The following KHDRBS3 variants were observed in gnomAD, a reference collection of about 807,000 sequenced individuals.
KHDRBS3 encodes the protein KH RNA binding domain containing, signal transduction associated 3, also known as KH domain-containing, RNA-binding, signal transduction-associated protein 3.
In KHDRBS3, 23 loss-of-function variants were observed where a neutral mutation model predicts 45.6. The ratio of observed to expected loss-of-function variants is 0.50; its 90% CI spans 0.36 to 0.72. KHDRBS3 has a LOEUF of 0.72. Ranked by LOEUF, KHDRBS3 falls within the 30% of genes least tolerant of loss-of-function variation. KHDRBS3 has a pLI of 0.00. For synonymous variants in KHDRBS3, 162 were observed against 156.5 expected, an observed-to-expected ratio of 1.04 and a Z score of -0.26; for missense variants, 352 against 424.8, an observed-to-expected ratio of 0.83 and a Z score of 1.51.
chr8:135,527,796 A>G (rs1296509818), intron 2 of KHDRBS3, among the ~76,000 whole-genome samples: 4 of 152,230 alleles, frequency 2.6e-5, no homozygotes, highest in African/African-American at 9.6e-5. Context: ...AAAATCCAGA[A>G]TCCAAGTTGG....
intron 1 of KHDRBS3, among the ~76,000 whole-genome samples, chr8:135,485,842 T>TTATGTATATATATATATATATA (rs1554615384): frequency 8.3e-6 from 1 of 120,346 alleles, no homozygotes; most frequent in African/African-American, 3.7e-5. Flanking sequence ...CATTTCAAGT[T>TTATGTATATATATATATATATA]TATATATATA....
intron 2 of KHDRBS3, among the ~76,000 whole-genome samples, chr8:135,528,680 G>A (rs1825315687): frequency 6.6e-6 from 1 of 152,168 alleles, no homozygotes; most frequent in African/African-American, 2.4e-5. Context: ...CATTTGTAAA[G>A]AACAGAAATT....
At chr8:135,606,217 C>T (rs1325941603) in intron 6 of KHDRBS3, among the ~76,000 whole-genome samples, 2 of 151,912 alleles carry the variant, frequency 1.3e-5, no homozygotes, top group African/African-American at 4.8e-5. Context: ...CCTCTCAGGT[C>T]TTTTCTGGGC....
chr8:135,593,782 T>G (rs920861155), intron 6 of KHDRBS3, among the ~76,000 whole-genome samples: 2 of 152,180 alleles, frequency 1.3e-5, no homozygotes, highest in Non-Finnish European at 2.9e-5. Context: ...CCAGCCTGGA[T>G]TTCCTGATGC....
At chr8:135,473,245 C>A (rs1822103076) in intron 1 of KHDRBS3, among the ~76,000 whole-genome samples, 1 of 152,128 alleles carries the variant, frequency 6.6e-6, no homozygotes, top group South Asian at 2.1e-4. Flanking sequence ...CTCAAAGCTT[C>A]TCTTCATTGG....
chr8:135,494,432 C>A (rs1823326773), intron 1 of KHDRBS3, among the ~76,000 whole-genome samples: 1 of 151,904 alleles, frequency 6.6e-6, no homozygotes, highest in South Asian at 2.1e-4. Context: ...GCGCCCGCCA[C>A]CACGCCCAGC....
At position 135,620,273 on chromosome 8, in the gene KHDRBS3, G is replaced by A. The variant is rs570373225; in HGVS notation, c.890+13236G>A. ...TAATGTTCATACTCAGCTAATTTTC[G>A]TATTTTTTTTAGAGACGGAGTTTTG... is the stretch of plus-strand genomic sequence containing the variant. On this transcript the variant is annotated intron_variant, in intron 7 of 8. Transcript: ENST00000355849. Among the ~76,000 whole-genome samples, 5 of 152,062 alleles carry A rather than the reference G, an allele frequency of 3.3e-5. No homozygotes were observed. The South Asian group carries it at 8.3e-4, about 25-fold the overall frequency.
chr8:135,644,417 G>A (rs1458156092), intron 7 of KHDRBS3, among the ~76,000 whole-genome samples: 1 of 152,142 alleles, frequency 6.6e-6, no homozygotes, highest in Non-Finnish European at 1.5e-5. Flanking sequence ...TGTCCCATGT[G>A]GCCATGGCTG....
intron 1 of KHDRBS3, among the ~76,000 whole-genome samples, chr8:135,467,543 C>CA (rs1375057692): frequency 1.3e-5 from 2 of 152,230 alleles, no homozygotes; most frequent in Non-Finnish European, 2.9e-5. Flanking sequence ...TCGTGATAGG[C>CA]ATTTTGGAAA....
At chr8:135,528,512 A>G (rs1825308324) in intron 2 of KHDRBS3, among the ~76,000 whole-genome samples, 2 of 152,172 alleles carry the variant, frequency 1.3e-5, no homozygotes, top group South Asian at 2.1e-4. Flanking sequence ...TTTTTCAGAT[A>G]ATTTATGTGA....
intron 5 of KHDRBS3, among the ~76,000 whole-genome samples, chr8:135,579,698 G>A (rs1411905973): frequency 6.6e-6 from 1 of 152,094 alleles, no homozygotes; most frequent in African/African-American, 2.4e-5. Context: ...GTCGCCATTG[G>A]CCGCATGCTT....
intron 4 of KHDRBS3, among the ~76,000 whole-genome samples, chr8:135,654,974 G>T (rs892723254): frequency 2.6e-5 from 4 of 152,188 alleles, no homozygotes; most frequent in Non-Finnish European, 5.9e-5. Flanking sequence ...GACTGGATTG[G>T]CAGATGTCTC....
chr8:135,462,237 G>T (rs1248948722), intron 1 of KHDRBS3, among the ~76,000 whole-genome samples: 4 of 140,282 alleles, frequency 2.9e-5, no homozygotes, highest in Admixed American at 7.1e-5. Context: ...TGTGTTATCA[G>T]TTTTTTTTTT....
At chr8:135,478,981 AAATT>A (rs1257741232) in intron 1 of KHDRBS3, among the ~76,000 whole-genome samples, 1 of 152,198 alleles carries the variant, frequency 6.6e-6, no homozygotes, top group Non-Finnish European at 1.5e-5. Context: ...AGAGAATAGA[AAATT>A]AATAGAGAAA....
At chr8:135,459,331 T>C (rs1821305523) in intron 1 of KHDRBS3, among the ~76,000 whole-genome samples, 2 of 152,326 alleles carry the variant, frequency 1.3e-5, no homozygotes, top group Non-Finnish European at 1.5e-5. Context: ...TGAACAGAAA[T>C]AGACTTATGG....
rs753611149 is a variant in KHDRBS3, at chr8:135,548,779, A to C, written c.350A>C (p.Glu117Ala). 1.9e-6 allele frequency: 3 copies of C among 1,552,040 alleles called. No homozygotes were observed. Among genetic ancestry groups the C allele is most frequent in the Non-Finnish European group, 2.6e-6 (3 of 1,150,304 alleles). ...GAAGAAGAGTTGAGGAAAAGTGGAGAAGCGAAGTACTTCCATCTCAATGAT... is the reference window on the plus strand; with the variant it reads ...GAAGAAGAGTTGAGGAAAAGTGGAGCAGCGAAGTACTTCCATCTCAATGAT... ...AKEEELRKSG[E>A]AKYFHLNDDL... Residue 117 changes from glutamate to alanine, a missense_variant, in exon 4 of 9, where the codon GAA becomes GCA. Around this residue, in one of 6 missense-constraint regions of KHDRBS3, gnomAD observed 46 missense variants for 45.9 expected, o/e 1.00. Coordinates refer to ENST00000355849, the MANE Select transcript of KHDRBS3 (RefSeq NM_006558.3).
chr8:135,499,851 T>C (rs965393532), intron 1 of KHDRBS3, among the ~76,000 whole-genome samples: 2 of 152,182 alleles, frequency 1.3e-5, no homozygotes, highest in African/African-American at 4.8e-5. Flanking sequence ...ATTTTTTCTT[T>C]ATCTGGTCAT....
intron 1 of KHDRBS3, among the ~76,000 whole-genome samples, chr8:135,510,123 GCATGCACTAC>G (rs1490033067): frequency 6.6e-6 from 1 of 151,888 alleles, no homozygotes; most frequent in Non-Finnish European, 1.5e-5. Context: ...GGGACTACAG[GCATGCACTAC>G]CATGCCTAAT....
intron 1 of KHDRBS3, among the ~76,000 whole-genome samples, chr8:135,513,865 T>TA (rs1393713758): frequency 1.4e-5 from 2 of 146,506 alleles, no homozygotes; most frequent in Non-Finnish European, 3.0e-5. Flanking sequence ...TCTGCCCCTC[T>TA]TTTTTTTTTC....
Sources: allele counts gnomAD v4.1 joint callset (sites outside exome capture counted in the v4.1 genomes callset), GRCh38; gene constraint gnomAD v4.1.1; regional missense constraint gnomAD v4.1.1; transcripts MANE v1.5; gene names NCBI Gene and HGNC (gene_info 2026-07-23, HGNC 2026-07-21).